CSMD3: variants seen among roughly 807,000 people sequenced by gnomAD.
CSMD3 encodes CUB and sushi domain-containing protein 3.
A neutral mutation model predicts 435.2 loss-of-function variants in CSMD3; 177 were observed. That is an observed-to-expected ratio of 0.41 (90% CI 0.36 to 0.46). The LOEUF (loss-of-function observed/expected upper bound fraction) is 0.46, where lower values mean the gene tolerates loss of function less well. Among genes scored for constraint, CSMD3 ranks in the 20% least tolerant of loss-of-function variants. The pLI, the probability that CSMD3 is intolerant of heterozygous loss-of-function variation, is 0.34. For synonymous variants in CSMD3, 1,656 were observed against 1,520.5 expected (o/e 1.09, Z -2.07); for missense variants, 4,265 against 4,504.6 (o/e 0.95, Z 1.52).
At chr8:112,398,914 TA>T (rs1016455874) in intron 35 of CSMD3, among the ~76,000 whole-genome samples, 1 of 151,770 alleles carries the variant, frequency 6.6e-6, no homozygotes, top group Non-Finnish European at 1.5e-5. Context: ...GTTACTTGAT[TA>T]AACTCTTTTT....
chr8:112,507,691 G>A (rs1179369456), intron 28 of CSMD3, among the ~76,000 whole-genome samples: 2 of 152,136 alleles, frequency 1.3e-5, no homozygotes, highest in Admixed American at 6.6e-5. Context: ...CTATAAAACT[G>A]GTTTTGTAAG....
intron 59 of CSMD3, among the ~76,000 whole-genome samples, chr8:112,275,058 A>T (rs999876764): frequency 6.6e-6 from 1 of 152,158 alleles, no homozygotes; most frequent in Non-Finnish European, 1.5e-5. Flanking sequence ...TGGGCAAGCC[A>T]ACAAGAAAGT....
intron 7 of CSMD3, among the ~76,000 whole-genome samples, chr8:112,972,725 A>T (rs2084702763): frequency 6.6e-6 from 1 of 151,992 alleles, no homozygotes; most frequent in Non-Finnish European, 1.5e-5. Flanking sequence ...CTTATTCATT[A>T]GTTTGACAAC....
At chr8:112,868,898 T>G (rs1035846671) in intron 10 of CSMD3, among the ~76,000 whole-genome samples, 1 of 139,144 alleles carries the variant, frequency 7.2e-6, no homozygotes, top group Non-Finnish European at 1.5e-5. Context: ...AGGATATGAA[T>G]CCATACAGGT....
chr8:112,511,622 C>A (rs1012146715), intron 28 of CSMD3, among the ~76,000 whole-genome samples: 1 of 151,966 alleles, frequency 6.6e-6, no homozygotes, highest in Non-Finnish European at 1.5e-5. Context: ...GATTTCCTGA[C>A]CTTGTGATCC....
intron 4 of CSMD3, among the ~76,000 whole-genome samples, chr8:113,111,196 A>C (rs1413077492): frequency 6.6e-6 from 1 of 152,168 alleles, no homozygotes; most frequent in African/African-American, 2.4e-5. Flanking sequence ...AAGTTTTCAA[A>C]GAATTTTTAA....
chr8:112,309,687 G>T (rs889097399), intron 50 of CSMD3, among the ~76,000 whole-genome samples: 8 of 152,090 alleles, frequency 5.3e-5, no homozygotes, highest in Middle Eastern at 3.4e-3. Context: ...ATCCTAATAA[G>T]TGATTAATGT....
intron 3 of CSMD3, among the ~76,000 whole-genome samples, chr8:113,195,800 T>G (rs1412591936): frequency 2.1e-5 from 3 of 140,524 alleles, no homozygotes; most frequent in Non-Finnish European, 4.6e-5. Flanking sequence ...TTTATATATA[T>G]ATATATATAT....
At chr8:112,438,004 C>T (rs1001606157) in intron 32 of CSMD3, among the ~76,000 whole-genome samples, 1 of 152,090 alleles carries the variant, frequency 6.6e-6, no homozygotes, top group African/African-American at 2.4e-5. Flanking sequence ...ACATTATTAA[C>T]CCTCGAAGGG....
At chr8:112,738,619 A>C (rs2077236513) in intron 13 of CSMD3, among the ~76,000 whole-genome samples, 1 of 151,710 alleles carries the variant, frequency 6.6e-6, no homozygotes, top group Non-Finnish European at 1.5e-5. Flanking sequence ...AATGGTTCTC[A>C]ATATAATCAT....
intron 5 of CSMD3, among the ~76,000 whole-genome samples, chr8:113,067,572 T>A (rs1423762356): frequency 1.3e-5 from 2 of 152,106 alleles, no homozygotes; most frequent in Admixed American, 1.3e-4. Context: ...ATAACTTTTG[T>A]ACCAACTTAA....
intron 1 of CSMD3, among the ~76,000 whole-genome samples, chr8:113,361,853 G>A (rs994634643): frequency 6.6e-6 from 1 of 152,080 alleles, no homozygotes; most frequent in Non-Finnish European, 1.5e-5. Flanking sequence ...AGGAAATATA[G>A]TCCTAATGCA....
chr8:113,140,544 A>T (rs1225098835), intron 4 of CSMD3, among the ~76,000 whole-genome samples: 1 of 151,072 alleles, frequency 6.6e-6, no homozygotes, highest in Admixed American at 6.6e-5. Context: ...AAAATATTTA[A>T]CATTATATAG....
At chr8:113,002,223 G>A (rs1232426974) in intron 6 of CSMD3, among the ~76,000 whole-genome samples, 1 of 151,994 alleles carries the variant, frequency 6.6e-6, no homozygotes, top group Non-Finnish European at 1.5e-5. Flanking sequence ...GAGACTCCCG[G>A]AGCAGCTAAA....
At chr8:113,198,496 T>A (rs2092684010) in intron 3 of CSMD3, among the ~76,000 whole-genome samples, 1 of 151,288 alleles carries the variant, frequency 6.6e-6, no homozygotes, top group African/African-American at 2.4e-5. Flanking sequence ...ACATACTAAA[T>A]TGACAAAGAA....
At chr8:112,596,334 C>T (rs972860942) in intron 22 of CSMD3, among the ~76,000 whole-genome samples, 4 of 152,082 alleles carry the variant, frequency 2.6e-5, no homozygotes, top group Non-Finnish European at 5.9e-5. Context: ...AATATATATG[C>T]ACCCAATACA....
chr8:112,868,833 C>A (rs1381202084), intron 10 of CSMD3, among the ~76,000 whole-genome samples: 1 of 152,022 alleles, frequency 6.6e-6, no homozygotes, highest in Non-Finnish European at 1.5e-5. Context: ...AAATTGGGCC[C>A]TTGTCTTATA....
chr8:112,264,274 T>C (rs1302461240), intron 60 of CSMD3, among the ~76,000 whole-genome samples: 3 of 152,204 alleles, frequency 2.0e-5, no homozygotes, highest in East Asian at 1.9e-4. Context: ...TGTCTGAGTA[T>C]AATATCCAAG....
chr8:112,377,083 A>G (rs1004716259), intron 38 of CSMD3, among the ~76,000 whole-genome samples: 1 of 152,092 alleles, frequency 6.6e-6, no homozygotes, highest in Non-Finnish European at 1.5e-5. Flanking sequence ...TTCTATGTCA[A>G]GAGTAGCCAC....
Sources: gnomAD v4.1 joint callset for allele counts (sites outside exome capture counted in the v4.1 genomes callset) on GRCh38, gnomAD v4.1.1 for gene constraint, MANE v1.5 for transcripts, NCBI Gene and HGNC (gene_info 2026-07-23, HGNC 2026-07-21) for gene names.